The following PDZRN4 variants were observed in gnomAD, a reference collection of about 807,000 sequenced individuals.
PDZRN4 encodes PDZ domain-containing RING finger protein 4.
PDZRN4 carries 70 observed loss-of-function variants against 99.0 expected under a neutral mutation model. That is an observed-to-expected ratio of 0.71 (90% CI 0.58 to 0.86). The LOEUF (loss-of-function observed/expected upper bound fraction) is 0.86, where lower values mean the gene tolerates loss of function less well. PDZRN4 is among the 40% of genes least tolerant of loss of function. The pLI is 0.00. For synonymous variants in PDZRN4, 551 were observed against 501.6 expected, an observed-to-expected ratio of 1.10 and a Z score of -1.32; for missense variants, 1,474 against 1,331.2, an observed-to-expected ratio of 1.11 and a Z score of -1.67.
chr12:41,504,256 A>G (rs1938166035), intron 3 of PDZRN4, among the ~76,000 whole-genome samples: 1 of 152,146 alleles, frequency 6.6e-6, no homozygotes, highest in South Asian at 2.1e-4. Flanking sequence ...CAACAGAGCA[A>G]GACTCCATCT....
Position 41,506,060 on chromosome 12 carries a change from A to G in PDZRN4, c.844-396A>G, listed in dbSNP as rs183637739. Among the ~76,000 whole-genome samples, 27 of 152,278 alleles carry G rather than the reference A, an allele frequency of 1.8e-4. No homozygotes were observed. In the East Asian group the frequency reaches 3.3e-3, roughly 19 times the overall value. On this transcript the variant is annotated intron_variant, in intron 3 of 9. Coordinates refer to ENST00000402685, the MANE Select transcript of PDZRN4 (RefSeq NM_001164595.2). The stretch of plus-strand genomic sequence containing the variant: ...TAAAAAATTAAATTTTAGGCAAGTA[A>G]GACCTTGATTAAATATTGAAAATCT...
At chr12:41,276,887 G>C (rs1222176543) in intron 3 of PDZRN4, among the ~76,000 whole-genome samples, 1 of 152,162 alleles carries the variant, frequency 6.6e-6, no homozygotes, top group Non-Finnish European at 1.5e-5. Context: ...ACCATTCTTA[G>C]AGACCCAGTT....
At chr12:41,322,241 G>T (rs1370582681) in intron 3 of PDZRN4, among the ~76,000 whole-genome samples, 1 of 151,864 alleles carries the variant, frequency 6.6e-6, no homozygotes, top group Non-Finnish European at 1.5e-5. Flanking sequence ...CTGTTGGCTA[G>T]GCTGGTCTCA....
intron 3 of PDZRN4, among the ~76,000 whole-genome samples, chr12:41,477,572 T>C (rs1214843086): frequency 6.6e-6 from 1 of 152,242 alleles, no homozygotes; most frequent in Non-Finnish European, 1.5e-5. Flanking sequence ...TCCTTTTGTT[T>C]ATTTCCATTG....
At chr12:41,500,361 A>C (rs1592086296) in intron 3 of PDZRN4, among the ~76,000 whole-genome samples, 1 of 151,972 alleles carries the variant, frequency 6.6e-6, no homozygotes, top group East Asian at 1.9e-4. Flanking sequence ...CAAGCAGAAG[A>C]AGCCCCAGGA....
intron 3 of PDZRN4, among the ~76,000 whole-genome samples, chr12:41,311,779 G>A (rs1027884873): frequency 4.6e-5 from 7 of 152,124 alleles, no homozygotes; most frequent in South Asian, 2.1e-4. Flanking sequence ...GTAAAAATGT[G>A]TGCATTTGAC....
intron 3 of PDZRN4, among the ~76,000 whole-genome samples, chr12:41,505,194 C>T (rs182995804): frequency 6.6e-6 from 1 of 152,204 alleles, no homozygotes; most frequent in Admixed American, 6.5e-5. Flanking sequence ...CTTTTTTAGG[C>T]ACCCAGGGAT....
chr12:41,401,482 A>G (rs1952288089), intron 3 of PDZRN4, among the ~76,000 whole-genome samples: 1 of 152,178 alleles, frequency 6.6e-6, no homozygotes, highest in Non-Finnish European at 1.5e-5. Flanking sequence ...ACTTGCATTT[A>G]CTATCCATTA....
At chr12:41,331,886 T>C (rs769028050) in intron 3 of PDZRN4, among the ~76,000 whole-genome samples, 2 of 152,080 alleles carry the variant, frequency 1.3e-5, no homozygotes, top group Non-Finnish European at 1.5e-5. Context: ...GGAACTACAA[T>C]TCAATGTGAG....
chr12:41,359,077 C>T (rs1951947910), intron 3 of PDZRN4, among the ~76,000 whole-genome samples: 1 of 152,006 alleles, frequency 6.6e-6, no homozygotes, highest in South Asian at 2.1e-4. Flanking sequence ...AACTGGGTGA[C>T]TTACCGCAAG....
At chr12:41,234,003 G>A (rs1591978776) in intron 3 of PDZRN4, among the ~76,000 whole-genome samples, 1 of 151,720 alleles carries the variant, frequency 6.6e-6, no homozygotes, top group Non-Finnish European at 1.5e-5. Flanking sequence ...ATCACTCTCT[G>A]ATTGGCCCCC....
intron 3 of PDZRN4, among the ~76,000 whole-genome samples, chr12:41,254,766 G>C (rs76117456): frequency 0.016 from 2,479 of 152,310 alleles, 35 homozygotes; most frequent in East Asian, 0.06. Flanking sequence ...CTTGGAAGTG[G>C]TGATGTCTAA....
At chr12:41,287,333 T>A (rs896081234) in intron 3 of PDZRN4, among the ~76,000 whole-genome samples, 8 of 152,190 alleles carry the variant, frequency 5.3e-5, no homozygotes, top group Non-Finnish European at 1.0e-4. Flanking sequence ...AGATGAACTC[T>A]AAGATCCTTT....
chr12:41,451,853 C>A (rs1197765641), intron 3 of PDZRN4, among the ~76,000 whole-genome samples: 1 of 152,042 alleles, frequency 6.6e-6, no homozygotes, highest in African/African-American at 2.4e-5. Flanking sequence ...ACCAAAGATA[C>A]CTCATTCTCA....
In PDZRN4 at chr12:41,447,311, A is replaced by C. The variant is rs140661819; in HGVS notation, c.844-59145A>C. Among the ~76,000 whole-genome samples the C allele has an allele frequency of 8.5e-5, 13 of 152,258 alleles. No homozygotes were observed. The East Asian group carries it at 2.3e-3, about 27-fold the overall frequency. ...CTTTGCCTATGGAGTTATGAGCCTC[A>C]GTGTTAAGACAACATGGAAAATAAT... On this transcript the variant is annotated intron_variant, in intron 3 of 9. Transcript: ENST00000402685.
chr12:41,399,585 A>C (rs1482043711), intron 3 of PDZRN4, among the ~76,000 whole-genome samples: 1 of 151,954 alleles, frequency 6.6e-6, no homozygotes, highest in Non-Finnish European at 1.5e-5. Flanking sequence ...AAATACCAAA[A>C]ATTAGCTAGG....
chr12:41,208,089 A>C (rs1950863386), intron 3 of PDZRN4, among the ~76,000 whole-genome samples: 1 of 151,842 alleles, frequency 6.6e-6, no homozygotes, highest in African/African-American at 2.4e-5. Context: ...CTTAGTTCTG[A>C]GTGTCCTGTC....
At position 41,437,717 on chromosome 12, in the gene PDZRN4, C is replaced by CTG; in HGVS notation, c.844-68731_844-68730dup. On this transcript the variant is annotated intron_variant, in intron 3 of 9. Coordinates refer to ENST00000402685, the MANE Select transcript of PDZRN4 (RefSeq NM_001164595.2). ...TGTTGCCATGAACTGACTGGAAACTCTGTGTGTGTATCCGTGAGTGCAAGA... is the reference window on the plus strand; with the variant it reads ...TGTTGCCATGAACTGACTGGAAACTCTGTGTGTGTGTATCCGTGAGTGCAAGA... 4.7e-5 allele frequency: 67 copies of CTG among 1,430,994 alleles called. No homozygotes were observed. The South Asian group carries it at 1.0e-3, about 21-fold the overall frequency. The allele number at this position is 1,430,994 out of a possible 1,614,324, so 88.6% of individuals were successfully genotyped here. A position where few individuals can be genotyped will look rare whatever the true frequency, so the allele number is the denominator to read the frequency against.
At chr12:41,306,265 C>T (rs1270631753) in intron 3 of PDZRN4, among the ~76,000 whole-genome samples, 3 of 152,236 alleles carry the variant, frequency 2.0e-5, no homozygotes, top group Non-Finnish European at 4.4e-5. Flanking sequence ...ACTACACCCT[C>T]ATGGCTCCAG....
Sources: allele counts gnomAD v4.1 joint callset (sites outside exome capture counted in the v4.1 genomes callset), GRCh38; gene constraint gnomAD v4.1.1; transcripts MANE v1.5; gene names NCBI Gene and HGNC (gene_info 2026-07-23, HGNC 2026-07-21).